TTBK2: variants seen among roughly 807,000 people sequenced by gnomAD.
TTBK2 encodes tau tubulin kinase 2.
A neutral mutation model predicts 110.8 loss-of-function variants in TTBK2; 28 were observed. The ratio of observed to expected loss-of-function variants is 0.25; its 90% confidence interval spans 0.19 to 0.35. The LOEUF is 0.35. Among genes scored for constraint, TTBK2 ranks in the 10% least tolerant of loss-of-function variants. TTBK2 has a pLI of 1.00. For synonymous variants in TTBK2, 532 were observed against 527.3 expected, an observed-to-expected ratio of 1.01 and a Z score of -0.12; for missense variants, 1,369 against 1,500.3, an observed-to-expected ratio of 0.91 and a Z score of 1.45.
chr15:42,876,940 G>T (rs925878758), intron 2 of TTBK2, among the ~76,000 whole-genome samples: 4 of 152,116 alleles, frequency 2.6e-5, no homozygotes, highest in African/African-American at 9.7e-5. Context: ...CATCAAATTT[G>T]ATTAAATCCA....
chr15:42,818,849 G>A (rs1280169835), intron 6 of TTBK2, among the ~76,000 whole-genome samples: 11 of 143,788 alleles, frequency 7.7e-5, no homozygotes, highest in Non-Finnish European at 1.4e-4. Flanking sequence ...GTGCAGTGGT[G>A]CGATCTCGGC....
In TTBK2 at chr15:42,752,458, G is replaced by A. The variant is rs1488362627; in HGVS notation, c.2788C>T (p.Arg930Trp). 9 of 1,614,142 alleles carry A rather than the reference G, an allele frequency of 5.6e-6. No individual in the cohort carries two copies. The East Asian group carries it at 1.8e-4, about 32-fold the overall frequency. Reference protein sequence around the residue: ...VSENEHGAPTRKDMVRSSFVT... With the variant: ...VSENEHGAPTWKDMVRSSFVT... The stretch of plus-strand genomic sequence containing the variant: ...AAGGATGACCTAACCATATCCTTCC[G>A]GGTTGGGGCACCATGTTCATTCTCT... Residue 930 changes from arginine (R) to tryptophan (W), a missense_variant, in exon 14 of 15, where the codon CGG becomes TGG. This residue lies in a region of TTBK2 where 1,097 missense variants were observed against 1,114.7 expected (regional missense o/e 0.98). Coordinates refer to ENST00000267890, the MANE Select transcript of TTBK2 (RefSeq NM_173500.4).
chr15:42,803,386 C>A (rs540030677), intron 9 of TTBK2, among the ~76,000 whole-genome samples: 7 of 152,274 alleles, frequency 4.6e-5, no homozygotes, highest in African/African-American at 1.7e-4. Flanking sequence ...TATATGCAAT[C>A]CATCATTGAC....
intron 13 of TTBK2, among the ~76,000 whole-genome samples, chr15:42,756,796 G>A (rs528297992): frequency 6.5e-4 from 98 of 151,878 alleles, no homozygotes; most frequent in Middle Eastern, 3.4e-3. Flanking sequence ...TACTCAAGAG[G>A]CTGAGGCAGA....
intron 3 of TTBK2, among the ~76,000 whole-genome samples, chr15:42,845,576 G>A (rs998057942): frequency 1.4e-5 from 2 of 145,934 alleles, no homozygotes; most frequent in African/African-American, 5.1e-5. Flanking sequence ...GGGGGTTGCA[G>A]TGGGCCGAGA....
At chr15:42,891,366 G>C (rs1329627684) in intron 1 of TTBK2, among the ~76,000 whole-genome samples, 1 of 150,536 alleles carries the variant, frequency 6.6e-6, no homozygotes, top group Non-Finnish European at 1.5e-5. Context: ...TAGAGACAGA[G>C]TCTGGGTATG....
rs1171377789 is a variant in TTBK2, at chr15:42,752,345, C to T, written c.2901G>A (p.Lys967=). Residue 967 remains lysine (K), a synonymous_variant, in exon 14 of 15, where the codon AAG becomes AAA. Transcript: ENST00000267890. The part of the protein sequence containing the change: ...ESSSPVSAKE[K]LLQKKAYQPD... Reference sequence around the variant, plus strand: ...GCTGATAGGCTTTCTTTTGGAGGAGCTTTTCTTTTGCAGAAACTGGAGAGG... The same window carrying T: ...GCTGATAGGCTTTCTTTTGGAGGAGTTTTTCTTTTGCAGAAACTGGAGAGG... The T allele has an allele frequency of 1.2e-6, 2 of 1,614,060 alleles. No individual in the cohort carries two copies. Among genetic ancestry groups the T allele is most frequent in the African/African-American group, 2.7e-5 (2 of 74,916 alleles).
chr15:42,767,797 G>A (rs937399293), intron 13 of TTBK2, among the ~76,000 whole-genome samples: 30 of 152,148 alleles, frequency 2.0e-4, no homozygotes, highest in Admixed American at 1.8e-3. Context: ...AAGCCTGACA[G>A]AGACACAACA....
At chr15:42,893,581 G>A (rs1895549130) in intron 1 of TTBK2, among the ~76,000 whole-genome samples, 2 of 150,856 alleles carry the variant, frequency 1.3e-5, no homozygotes, top group Non-Finnish European at 2.9e-5. Flanking sequence ...CACCTAGGGG[G>A]AAAAGACAAA....
intron 13 of TTBK2, among the ~76,000 whole-genome samples, chr15:42,760,124 G>A (rs2062003453): frequency 1.3e-5 from 2 of 152,120 alleles, no homozygotes; most frequent in South Asian, 2.1e-4. Flanking sequence ...GGTGGCTCAC[G>A]CCTATAATAC....
At position 42,743,392 on chromosome 15, in the gene TTBK2, C is replaced by T. The variant is rs1410445282; in HGVS notation, c.*2403G>A. The stretch of plus-strand genomic sequence containing the variant: ...CCAATAAGAAATAAAATCACACACA[C>T]GTACCACAGTTGTAGCTTCATCAGC... On this transcript the variant is annotated 3_prime_UTR_variant, in exon 15 of 15. Coordinates refer to ENST00000267890, the MANE Select transcript of TTBK2 (RefSeq NM_173500.4). 6.6e-6 allele frequency: 1 copy of T among 152,206 alleles called. No individual in the cohort carries two copies. Among genetic ancestry groups the T allele is most frequent in the Non-Finnish European group, 1.5e-5 (1 of 68,038 alleles). The allele number at this position is 152,206 out of a possible 1,614,324, so 9.4% of individuals were successfully genotyped here.
intron 13 of TTBK2, among the ~76,000 whole-genome samples, chr15:42,772,700 T>A (rs895456247): frequency 1.3e-5 from 2 of 152,152 alleles, no homozygotes; most frequent in Middle Eastern, 3.4e-3. Context: ...AATCCCAAGA[T>A]TATAGACAGG....
At chr15:42,767,471 A>C (rs1049973414) in intron 13 of TTBK2, among the ~76,000 whole-genome samples, 1 of 152,236 alleles carries the variant, frequency 6.6e-6, no homozygotes, top group Admixed American at 6.5e-5. Flanking sequence ...CCATCAGAGA[A>C]TATTATAAAC....
At chr15:42,790,906 T>A (rs1057510572) in intron 10 of TTBK2, among the ~76,000 whole-genome samples, 1 of 151,882 alleles carries the variant, frequency 6.6e-6, no homozygotes, top group Non-Finnish European at 1.5e-5. Flanking sequence ...TGTTTTGAGA[T>A]GGAGTCTCGC....
At chr15:42,909,853 G>T (rs939217524) in intron 1 of TTBK2, among the ~76,000 whole-genome samples, 1 of 152,102 alleles carries the variant, frequency 6.6e-6, no homozygotes, top group African/African-American at 2.4e-5. Context: ...CATAAGAATG[G>T]CTACCTTTGG....
At position 42,739,271 on chromosome 15, in the gene TTBK2, C is replaced by G. The variant is rs1409060468; in HGVS notation, c.*6524G>C. 1.3e-5 allele frequency: 2 copies of G among 152,108 alleles called. No homozygotes were observed. The highest frequency in any genetic ancestry group is 4.8e-5 in the African/African-American group (2 of 41,402). 9.4% of individuals were successfully genotyped at this position (152,108 alleles called of 1,614,324 possible). ...GAGTAGTTTCTCATCTCTCTGATTT[C>G]AGGAAGAGGAGAAGAGAGGGAGAGA... is the stretch of plus-strand genomic sequence containing the variant. On this transcript the variant is annotated 3_prime_UTR_variant, in exon 15 of 15. Coordinates refer to ENST00000267890, the MANE Select transcript of TTBK2 (RefSeq NM_173500.4).
chr15:42,801,806 C>T lies in TTBK2; in HGVS notation c.823-7005G>A, dbSNP rs761016379. On this transcript the variant is annotated intron_variant, in intron 9 of 14. Coordinates refer to ENST00000267890, the MANE Select transcript of TTBK2 (RefSeq NM_173500.4). ...TCCAGCTCCATCTTGTTCATGTAAG[C>T]TTCATCTACATACTCCTTGATGAGC... The T allele has an allele frequency of 3.6e-6, 3 of 835,298 alleles. No homozygotes were observed. The Admixed American group carries it at 5.1e-5, about 14-fold the overall frequency. 51.7% of individuals were successfully genotyped at this position (835,298 alleles called of 1,614,324 possible). A position where few individuals can be genotyped will look rare whatever the true frequency, so the allele number is the denominator to read the frequency against.
intron 3 of TTBK2, 41 bp from the exon 4 acceptor site, chr15:42,840,474 G>A (rs1375785324): frequency 6.5e-7 from 1 of 1,542,484 alleles, no homozygotes; most frequent in Non-Finnish European, 9.0e-7. Flanking sequence ...ATATACTATG[G>A]TTTCTCTTAA....
intron 11 of TTBK2, among the ~76,000 whole-genome samples, chr15:42,783,182 T>C (rs1018655822): frequency 6.6e-6 from 1 of 151,918 alleles, no homozygotes; most frequent in African/African-American, 2.4e-5. Context: ...TATTAGGAGG[T>C]GGGCCCCTTG....
Sources: allele counts gnomAD v4.1 joint callset (sites outside exome capture counted in the v4.1 genomes callset), GRCh38; gene constraint gnomAD v4.1.1; regional missense constraint gnomAD v4.1.1; transcripts MANE v1.5; gene names NCBI Gene and HGNC (gene_info 2026-07-23, HGNC 2026-07-21).